Variants in ATP2C2 observed in about 807,000 individuals in gnomAD.
The protein encoded by ATP2C2 is ATPase secretory pathway Ca2+ transporting 2.
In ATP2C2, 171 loss-of-function variants were observed where a neutral mutation model predicts 110.8. The ratio of observed to expected loss-of-function variants is 1.54; its 90% CI spans 1.36 to 1.75. ATP2C2 has a LOEUF of 1.75. Among genes scored for constraint, ATP2C2 ranks in the 40% most tolerant of loss-of-function variants. The pLI, the probability that ATP2C2 is intolerant of heterozygous loss-of-function variation, is 0.00. For synonymous variants in ATP2C2, 804 were observed against 508.4 expected (o/e 1.58, Z -7.82); for missense variants, 1,963 against 1,235.0 (o/e 1.59, Z -8.84).
Position 84,409,549 on chromosome 16 carries a change from G to A in ATP2C2, c.418-1019G>A, listed in dbSNP as rs374953081. 3.6e-4 allele frequency among the ~76,000 whole-genome samples: 55 copies of A among 151,872 alleles called. 3 individuals are homozygous for A. The South Asian group carries it at 0.011, about 31-fold the overall frequency. ...TTTTGAGACAGAGTCTTGCTGTGTC[G>A]TCCAGGCTGGACAGCAGTGCCGTGA... On this transcript the variant is annotated intron_variant, in intron 4 of 26. Transcript: ENST00000262429.
At chr16:84,410,930 G>A in intron 6 of ATP2C2, 165 bp downstream of exon 6, 2 of 678,146 alleles carry the variant, frequency 2.9e-6, no homozygotes, top group Non-Finnish European at 5.1e-6. Flanking sequence ...ATAGGTCGCT[G>A]TGTGTCCTCG....
intron 17 of ATP2C2, 119 bp from the exon 18 acceptor site, chr16:84,451,802 C>A: frequency 2.0e-6 from 2 of 1,012,702 alleles, no homozygotes; most frequent in Non-Finnish European, 2.9e-6. Context: ...TACACCACTG[C>A]ACTCCAACCT....
At chr16:84,396,353 C>G (rs1904975571) in intron 1 of ATP2C2, among the ~76,000 whole-genome samples, 1 of 151,838 alleles carries the variant, frequency 6.6e-6, no homozygotes, top group Non-Finnish European at 1.5e-5. Context: ...TGAGACCAGC[C>G]TGGCCAACCT....
At chr16:84,389,268 C>G (rs6564027) in intron 1 of ATP2C2, among the ~76,000 whole-genome samples, 70,339 of 152,048 alleles carry the variant, frequency 0.46, 16,434 homozygotes, top group East Asian at 0.51. Flanking sequence ...ATTCCAGTAC[C>G]TCTCTCAACT....
Position 84,453,182 on chromosome 16 carries a change from G to C in ATP2C2, c.1876G>C (p.Gly626Arg), listed in dbSNP as rs768107097. 15 of 1,613,932 alleles carry C rather than the reference G, an allele frequency of 9.3e-6. 1 individual carries two copies. The South Asian group carries it at 1.6e-4, about 18-fold the overall frequency. The change falls in exon 19 of 27, where the codon GGG becomes CGG. Residue 626 changes from glycine (G) to arginine (R), a missense_variant. Gly to Arg is a moderately radical substitution (Grantham distance 125). Transcript: ENST00000262429. Reference protein sequence around the residue: ...LCNGKLQAMSGEEVDSVEKGE... With the variant: ...LCNGKLQAMSREEVDSVEKGE... ...CAACGGGAAGCTGCAAGCCATGTCCGGGGAGGAGGTGGACAGCGTGGAGAA... is the reference window on the plus strand; with the variant it reads ...CAACGGGAAGCTGCAAGCCATGTCCCGGGAGGAGGTGGACAGCGTGGAGAA...
chr16:84,410,431 C>G (rs1827336955), intron 4 of ATP2C2, 137 bp from the exon 5 acceptor site: 2 of 1,019,404 alleles, frequency 2.0e-6, no homozygotes, highest in African/African-American at 3.2e-5. Context: ...AGTATATTTT[C>G]TAAATTTCTG....
intron 16 of ATP2C2, among the ~76,000 whole-genome samples, chr16:84,447,003 C>A (rs901444202): frequency 6.6e-5 from 10 of 152,192 alleles, no homozygotes; most frequent in Non-Finnish European, 1.5e-4. Context: ...TAGAGGAACA[C>A]ATACCAAGCT....
chr16:84,386,282 T>C (rs554489821), intron 1 of ATP2C2, among the ~76,000 whole-genome samples: 5 of 152,316 alleles, frequency 3.3e-5, no homozygotes, highest in South Asian at 2.1e-4. Flanking sequence ...TGCTGCGAGA[T>C]CTATATTTAG....
In ATP2C2 at chr16:84,408,512, G is replaced by A. The variant is rs770691731; in HGVS notation, c.417+18G>A. 5.0e-6 allele frequency: 8 copies of A among 1,606,306 alleles called. No individual in the cohort carries two copies. The highest frequency in any genetic ancestry group is 1.6e-4 in the Middle Eastern group (1 of 6,070). On this transcript the variant is annotated intron_variant, in intron 4 of 26. Transcript: ENST00000262429. ...TCGCCACGGTGAGTTCCCTGACAGC[G>A]CTCGGCTCCCGGGCGGGCAGCCACA...
In ATP2C2 at chr16:84,408,463, A is replaced by C. The variant is rs375393459; in HGVS notation, c.386A>C (p.Lys129Thr). The C allele has an allele frequency of 3.4e-5, 55 of 1,613,578 alleles. No homozygotes were observed. The Admixed American group carries it at 4.8e-4, about 14-fold the overall frequency. The change falls in exon 4 of 27, where the codon AAG becomes ACG. Residue 129 changes from lysine (K) to threonine (T), a missense_variant. Coordinates refer to ENST00000262429, the MANE Select transcript of ATP2C2 (RefSeq NM_014861.4). Reference sequence around the variant, plus strand: ...TCTGCCCTGGTGAGTGTCCTCACCAAGGAGTATGAGGACGCCGTCAGCATC... The same window carrying C: ...TCTGCCCTGGTGAGTGTCCTCACCACGGAGTATGAGGACGCCGTCAGCATC... ...LGSALVSVLT[K>T]EYEDAVSIAT...
At chr16:84,370,525 C>A (rs1010250318) in intron 1 of ATP2C2, among the ~76,000 whole-genome samples, 4 of 152,022 alleles carry the variant, frequency 2.6e-5, no homozygotes, top group Admixed American at 2.6e-4. Flanking sequence ...GGTGGCTGGG[C>A]GAGGCACTCA....
chr16:84,435,717 C>T lies in ATP2C2; in HGVS notation c.987-3449C>T, dbSNP rs955244654. Among the ~76,000 whole-genome samples the T allele has an allele frequency of 1.7e-4, 9 of 54,230 alleles. 1 individual carries two copies. The highest frequency in any genetic ancestry group is 1.6e-3 in the East Asian group (2 of 1,274). 35.6% of individuals were successfully genotyped at this position (54,230 alleles called of 152,430 possible). ...GTGGTGCATGCCTATGTCCCGGCTA[C>T]CAGGGAGGCAGAGGCTGGAGGATTG... is the stretch of plus-strand genomic sequence containing the variant. On this transcript the variant is annotated intron_variant, in intron 11 of 26. Transcript: ENST00000262429.
chr16:84,392,032 C>G (rs547291342), intron 1 of ATP2C2, among the ~76,000 whole-genome samples: 6 of 151,876 alleles, frequency 4.0e-5, no homozygotes, highest in African/African-American at 1.2e-4. Flanking sequence ...TATAACACCT[C>G]TTTTCTCTTT....
At chr16:84,459,579 G>A in intron 23 of ATP2C2, 193 bp downstream of exon 23, 2 of 1,536,272 alleles carry the variant, frequency 1.3e-6, no homozygotes, top group Non-Finnish European at 1.7e-6. Context: ...AAGTACCTGG[G>A]CCGGCAGAGC....
intron 7 of ATP2C2, among the ~76,000 whole-genome samples, chr16:84,420,524 T>C (rs1907237971): frequency 2.6e-5 from 4 of 151,332 alleles, no homozygotes; most frequent in Admixed American, 2.6e-4. Flanking sequence ...TTTAGATTTG[T>C]GGGAAAATTC....
At chr16:84,380,979 G>C (rs1015691262) in intron 1 of ATP2C2, among the ~76,000 whole-genome samples, 1 of 152,182 alleles carries the variant, frequency 6.6e-6, no homozygotes, top group South Asian at 2.1e-4. Flanking sequence ...AGGAGTTTGA[G>C]ATCAGCCCGG....
chr16:84,460,115 G>A (rs770345517), intron 23 of ATP2C2: 2 of 203,884 alleles, frequency 9.8e-6, no homozygotes, highest in Non-Finnish European at 2.0e-5. Context: ...CCAAAGCCAA[G>A]TGTGAGGGTT....
chr16:84,420,585 T>G (rs1907243740), intron 7 of ATP2C2, among the ~76,000 whole-genome samples: 1 of 152,018 alleles, frequency 6.6e-6, no homozygotes, highest in South Asian at 2.1e-4. Flanking sequence ...CTGTTTTTAA[T>G]GCCTTAGCTT....
chr16:84,374,054 A>C (rs1910116364), intron 1 of ATP2C2, among the ~76,000 whole-genome samples: 1 of 152,200 alleles, frequency 6.6e-6, no homozygotes, highest in Non-Finnish European at 1.5e-5. Context: ...ACTTGAAGAT[A>C]ATGTTAGTGT....
Sources: allele counts gnomAD v4.1 joint callset (sites outside exome capture counted in the v4.1 genomes callset), GRCh38; gene constraint gnomAD v4.1.1; transcripts MANE v1.5; gene names NCBI Gene and HGNC (gene_info 2026-07-23, HGNC 2026-07-21).